CCSER1: variants seen among roughly 807,000 people sequenced by gnomAD.
CCSER1 encodes the protein coiled-coil serine rich protein 1.
A neutral mutation model predicts 82.0 loss-of-function variants in CCSER1; 41 were observed. The observed-to-expected ratio is 0.50, with a 90% CI of 0.39 to 0.65. CCSER1 has a LOEUF of 0.65. Ranked by LOEUF, CCSER1 falls within the 30% of genes least tolerant of loss-of-function variation. The pLI is 0.00. For missense variants in CCSER1, 1,119 were observed against 1,064.2 expected (o/e 1.05, Z -0.72); for synonymous variants, 414 against 383.9 (o/e 1.08, Z -0.92).
At chr4:91,155,589 C>T (rs550580825) in intron 10 of CCSER1, among the ~76,000 whole-genome samples, 1 of 151,950 alleles carries the variant, frequency 6.6e-6, no homozygotes, top group Non-Finnish European at 1.5e-5. Context: ...CTTTCCATAT[C>T]ATTTTCATCT....
In CCSER1 at chr4:91,249,495, A is replaced by G. The variant is rs114323942; in HGVS notation, c.2217+163501A>G. ...ACTTTTTTGGATCACCTGACTTTCA[A>G]TATTGCCTCACTTTCTGTCTCTAAA... On this transcript the variant is annotated intron_variant, in intron 10 of 10. Coordinates refer to ENST00000509176, the MANE Select transcript of CCSER1 (RefSeq NM_001145065.2). 8.2e-3 allele frequency among the ~76,000 whole-genome samples: 1,252 copies of G among 152,188 alleles called. 22 individuals are homozygous for G. Among genetic ancestry groups the G allele is most frequent in the African/African-American group, 0.029 (1,190 of 41,518 alleles).
In CCSER1 at chr4:91,544,274, G is replaced by A. The variant is rs1223180698; in HGVS notation, c.2218-54298G>A. 3.9e-5 allele frequency among the ~76,000 whole-genome samples: 6 copies of A among 152,114 alleles called. No homozygotes were observed. The East Asian group carries it at 1.2e-3, about 29-fold the overall frequency. ...ATCCTCCTTTAGCTCGGAGAAGTTT[G>A]TTACTACCAATCGTCTGAAGCCTTC... On this transcript the variant is annotated intron_variant, in intron 10 of 10. Coordinates refer to ENST00000509176, the MANE Select transcript of CCSER1 (RefSeq NM_001145065.2).
At chr4:91,470,887 A>G (rs78398216) in intron 10 of CCSER1, among the ~76,000 whole-genome samples, 39,351 of 152,054 alleles carry the variant, frequency 0.26, 6,064 homozygotes, top group South Asian at 0.4. Context: ...TAAATAGGAT[A>G]TATTCATAGC....
Position 90,754,175 on chromosome 4 carries a change from G to A in CCSER1, c.2010+30184G>A, listed in dbSNP as rs191636161. 8.5e-5 allele frequency among the ~76,000 whole-genome samples: 13 copies of A among 152,254 alleles called. No individual in the cohort carries two copies. The East Asian group carries it at 2.5e-3, about 29-fold the overall frequency. On this transcript the variant is annotated intron_variant, in intron 7 of 10. Coordinates refer to ENST00000509176, the MANE Select transcript of CCSER1 (RefSeq NM_001145065.2). ...ATGTGTTTAAAATCAGTTTTGCTCA[G>A]TAAAATGGAAGCTTAGCATGGGCAG...
At chr4:91,044,164 A>T in intron 9 of CCSER1, among the ~76,000 whole-genome samples, 1 of 152,172 alleles carries the variant, frequency 6.6e-6, no homozygotes, top group Admixed American at 6.5e-5. Context: ...CTAAGGTAAA[A>T]TCCCAGCACT....
intron 10 of CCSER1, among the ~76,000 whole-genome samples, chr4:91,449,620 T>C (rs1229720696): frequency 6.6e-6 from 1 of 152,094 alleles, no homozygotes; most frequent in Non-Finnish European, 1.5e-5. Context: ...AGGGCGGACC[T>C]CATTTGGTTC....
chr4:90,509,471 A>T (rs1771177562), intron 5 of CCSER1, among the ~76,000 whole-genome samples: 2 of 152,166 alleles, frequency 1.3e-5, no homozygotes. Flanking sequence ...ACTGATTAAA[A>T]CAAGGAATTG....
At chr4:91,045,128 G>T (rs967584740) in intron 9 of CCSER1, among the ~76,000 whole-genome samples, 1 of 152,072 alleles carries the variant, frequency 6.6e-6, no homozygotes, top group Non-Finnish European at 1.5e-5. Flanking sequence ...CTAGTTTTTG[G>T]TAAAATACCT....
intron 9 of CCSER1, among the ~76,000 whole-genome samples, chr4:90,996,898 A>AC (rs1737545222): frequency 6.6e-6 from 1 of 152,024 alleles, no homozygotes; most frequent in Non-Finnish European, 1.5e-5. Context: ...TTAACCATTC[A>AC]CCCCTTAAAG....
intron 1 of CCSER1, among the ~76,000 whole-genome samples, chr4:90,288,162 C>T (rs991539393): frequency 2.0e-5 from 3 of 150,938 alleles, no homozygotes; most frequent in African/African-American, 7.4e-5. Context: ...CTAGTTTTGG[C>T]AATCAATCCT....
At chr4:90,240,322 A>T (rs1002055520) in intron 1 of CCSER1, among the ~76,000 whole-genome samples, 6 of 152,118 alleles carry the variant, frequency 3.9e-5, no homozygotes, top group African/African-American at 1.2e-4. Flanking sequence ...CTACAGAGGG[A>T]ATTCTGACTC....
intron 10 of CCSER1, among the ~76,000 whole-genome samples, chr4:91,433,400 G>C (rs1362528324): frequency 2.6e-5 from 4 of 152,178 alleles, no homozygotes; most frequent in Non-Finnish European, 4.4e-5. Flanking sequence ...GTAGTGTACA[G>C]TAATTTCCTA....
chr4:91,452,514 A>C (rs747858516), intron 10 of CCSER1, among the ~76,000 whole-genome samples: 1 of 152,050 alleles, frequency 6.6e-6, no homozygotes, highest in Non-Finnish European at 1.5e-5. Flanking sequence ...TATGTCAAGC[A>C]AATCTAAATG....
intron 5 of CCSER1, among the ~76,000 whole-genome samples, chr4:90,608,459 A>G (rs969413527): frequency 2.6e-5 from 4 of 152,162 alleles, no homozygotes; most frequent in Non-Finnish European, 4.4e-5. Flanking sequence ...AAGACAACCA[A>G]TTATCAAGCT....
intron 5 of CCSER1, among the ~76,000 whole-genome samples, chr4:90,572,077 A>C (rs1780183260): frequency 6.6e-6 from 1 of 152,144 alleles, no homozygotes. Flanking sequence ...TGATGAAGTC[A>C]CTCAGCTTTT....
At chr4:91,082,987 G>A (rs953199389) in intron 9 of CCSER1, among the ~76,000 whole-genome samples, 9 of 152,208 alleles carry the variant, frequency 5.9e-5, no homozygotes, top group Non-Finnish European at 1.3e-4. Flanking sequence ...TTCAACCATT[G>A]TGGAAGACAG....
chr4:90,354,742 A>G (rs555625639), intron 3 of CCSER1, among the ~76,000 whole-genome samples: 2 of 152,142 alleles, frequency 1.3e-5, no homozygotes, highest in Admixed American at 6.5e-5. Flanking sequence ...AAGTACTACA[A>G]GAACCAACTA....
intron 10 of CCSER1, among the ~76,000 whole-genome samples, chr4:91,594,400 C>CACATATATACACATATATAT (rs907479000): frequency 6.0e-5 from 8 of 133,930 alleles, no homozygotes; most frequent in Admixed American, 1.5e-4. Flanking sequence ...TACATATATA[C>CACATATATACACATATATAT]ACATATATAC....
At chr4:90,718,238 T>C (rs1472916216) in intron 6 of CCSER1, among the ~76,000 whole-genome samples, 2 of 152,224 alleles carry the variant, frequency 1.3e-5, no homozygotes, top group East Asian at 3.9e-4. Context: ...TAGAGGATCA[T>C]TATAGAATTT....
Sources: allele counts gnomAD v4.1 joint callset (sites outside exome capture counted in the v4.1 genomes callset), GRCh38; gene constraint gnomAD v4.1.1; transcripts MANE v1.5; gene names NCBI Gene and HGNC (gene_info 2026-07-23, HGNC 2026-07-21).